Variants in ATP2B2 observed in about 807,000 individuals in gnomAD.
ATP2B2 encodes plasma membrane calcium-transporting ATPase 2.
In ATP2B2, 15 loss-of-function variants were observed where a neutral mutation model predicts 120.0. That is an observed-to-expected ratio of 0.12 (90% CI 0.08 to 0.19). The LOEUF is 0.19. Ranked by LOEUF, ATP2B2 falls within the 10% of genes least tolerant of loss-of-function variation. The pLI is 1.00. For missense variants in ATP2B2, 1,045 were observed against 1,719.8 expected, an observed-to-expected ratio of 0.61 and a Z score of 6.94; for synonymous variants, 694 against 700.3, an observed-to-expected ratio of 0.99 and a Z score of 0.14.
At chr3:10,419,667 T>C (rs931752380) in intron 2 of ATP2B2, among the ~76,000 whole-genome samples, 1 of 152,192 alleles carries the variant, frequency 6.6e-6, no homozygotes, top group Non-Finnish European at 1.5e-5. Context: ...GACAGTGCTT[T>C]GTAGATGGTA....
chr3:10,465,140 G>C (rs1392447212), intron 1 of ATP2B2, among the ~76,000 whole-genome samples: 1 of 152,202 alleles, frequency 6.6e-6, no homozygotes, highest in African/African-American at 2.4e-5. Flanking sequence ...CTGAGCCCTG[G>C]TGTGACTCCT....
Position 10,375,333 on chromosome 3 carries a change from C to T in ATP2B2, c.1416+97G>A, listed in dbSNP as rs934334728. The T allele has an allele frequency of 5.5e-5, 60 of 1,097,134 alleles. No individual in the cohort carries two copies. The East Asian group carries it at 5.5e-4, about 10-fold the overall frequency. The allele number at this position is 1,097,134 out of a possible 1,614,324, so 68.0% of individuals were successfully genotyped here. On this transcript the variant is annotated intron_variant, in intron 11 of 22. Coordinates refer to ENST00000360273, the MANE Select transcript of ATP2B2 (RefSeq NM_001001331.4). This position sits in a 1 kb window ranked among gnomAD's most constrained non-coding sequence, Gnocchi z 4.2. ...TCCTAGGGGGTCTATGGGGCTTCTT[C>T]GTTCATCTCCCAACCCCAGCACCAG...
At chr3:10,630,842 C>CG (rs1392134170) in intron 1 of ATP2B2, among the ~76,000 whole-genome samples, 26 of 13,320 alleles carry the variant, frequency 2.0e-3, no homozygotes, top group South Asian at 6.3e-3. Flanking sequence ...AAGTTTGTGG[C>CG]GGGGGGGTGG....
chr3:10,600,012 G>A (rs1471714298), intron 2 of ATP2B2, among the ~76,000 whole-genome samples: 1 of 151,434 alleles, frequency 6.6e-6, no homozygotes, highest in Non-Finnish European at 1.5e-5. Flanking sequence ...TCAATTCAGA[G>A]TTTCATCTGT....
At chr3:10,428,689 AAG>A (rs2063217290) in intron 2 of ATP2B2, among the ~76,000 whole-genome samples, 1 of 152,344 alleles carries the variant, frequency 6.6e-6, no homozygotes, top group South Asian at 2.1e-4. Context: ...TGAAAAAAGC[AAG>A]ATGAACAGAA....
Position 10,327,760 on chromosome 3 carries a change from C to T in ATP2B2, c.*1054G>A, listed in dbSNP as rs1433226720. ...CAGGAAGCCTTCTCTCCTCCTCTCC[C>T]TTCGTCTACGGAGCATGTTGTTAAA... On this transcript the variant is annotated 3_prime_UTR_variant, in exon 23 of 23. Coordinates refer to ENST00000360273, the MANE Select transcript of ATP2B2 (RefSeq NM_001001331.4). 1 of 152,706 alleles carries T rather than the reference C, an allele frequency of 6.5e-6. No homozygotes were observed. The highest frequency in any genetic ancestry group is 2.4e-5 in the African/African-American group (1 of 41,476). 9.5% of individuals were successfully genotyped at this position (152,706 alleles called of 1,614,324 possible). A position where few individuals can be genotyped will look rare whatever the true frequency, so the allele number is the denominator to read the frequency against.
At chr3:10,367,589 C>T (rs1483511547) in intron 12 of ATP2B2, among the ~76,000 whole-genome samples, 2 of 152,168 alleles carry the variant, frequency 1.3e-5, no homozygotes, top group African/African-American at 4.8e-5. Flanking sequence ...CACCTCAGTT[C>T]GTCTAAGCTT....
At chr3:10,517,089 G>A (rs1379514648) in intron 3 of ATP2B2, among the ~76,000 whole-genome samples, 1 of 152,188 alleles carries the variant, frequency 6.6e-6, no homozygotes, top group Non-Finnish European at 1.5e-5. Context: ...CAAAGGTCAA[G>A]TCTGCTTCTA....
chr3:10,344,265 G>A (rs1004128544), intron 18 of ATP2B2, among the ~76,000 whole-genome samples: 5 of 152,138 alleles, frequency 3.3e-5, no homozygotes, highest in African/African-American at 1.2e-4. Context: ...TCCCTATCTG[G>A]CATCAAGACC....
chr3:10,360,385 T>C (rs2125452754), intron 12 of ATP2B2, among the ~76,000 whole-genome samples: 1 of 152,370 alleles, frequency 6.6e-6, no homozygotes, highest in Middle Eastern at 3.4e-3. Context: ...GAGAATGATG[T>C]AACAAAGTTA....
intron 12 of ATP2B2, among the ~76,000 whole-genome samples, chr3:10,363,650 G>A (rs142447653): frequency 1.3e-5 from 2 of 152,084 alleles, no homozygotes; most frequent in East Asian, 3.9e-4. Flanking sequence ...GATAACATTT[G>A]CAAAAATGGG....
At chr3:10,471,004 G>A (rs1367922337) in intron 1 of ATP2B2, among the ~76,000 whole-genome samples, 6 of 152,336 alleles carry the variant, frequency 3.9e-5, no homozygotes, top group East Asian at 1.9e-4. Flanking sequence ...GGGGGCCTGG[G>A]GGGCCCTGCG....
chr3:10,694,777 CTT>C (rs2071716949), intron 1 of ATP2B2, among the ~76,000 whole-genome samples: 1 of 152,148 alleles, frequency 6.6e-6, no homozygotes, highest in Non-Finnish European at 1.5e-5. Flanking sequence ...CTGGAAAACT[CTT>C]TGCACATTAA....
At chr3:10,555,976 G>A (rs1261789038) in intron 2 of ATP2B2, among the ~76,000 whole-genome samples, 2 of 152,204 alleles carry the variant, frequency 1.3e-5, no homozygotes, top group Non-Finnish European at 2.9e-5. Flanking sequence ...TTGGCTCACT[G>A]CAACCTCTGC....
intron 14 of ATP2B2, among the ~76,000 whole-genome samples, chr3:10,353,336 C>G (rs2060628281): frequency 6.6e-6 from 1 of 152,162 alleles, no homozygotes; most frequent in African/African-American, 2.4e-5. Flanking sequence ...AGGAGGACTT[C>G]CTGGGGGAGG....
chr3:10,415,617 A>G (rs2062754324), intron 2 of ATP2B2, among the ~76,000 whole-genome samples: 1 of 152,216 alleles, frequency 6.6e-6, no homozygotes, highest in African/African-American at 2.4e-5. Flanking sequence ...CAGGAGCTGA[A>G]TCTTGTGGTC....
intron 11 of ATP2B2, among the ~76,000 whole-genome samples, chr3:10,373,225 G>A (rs7619385): frequency 0.61 from 93,174 of 152,088 alleles, 29,349 homozygotes; most frequent in East Asian, 0.99. Flanking sequence ...GCACAGGAAA[G>A]GATTCTGGTA....
At chr3:10,640,619 C>T (rs1368688366) in intron 1 of ATP2B2, among the ~76,000 whole-genome samples, 1 of 152,130 alleles carries the variant, frequency 6.6e-6, no homozygotes, top group Admixed American at 6.5e-5. Context: ...CTGGGATTCC[C>T]AGAAAGCTTC....
intron 2 of ATP2B2, among the ~76,000 whole-genome samples, chr3:10,415,244 G>A (rs1362871468): frequency 6.6e-6 from 1 of 152,204 alleles, no homozygotes; most frequent in Admixed American, 6.5e-5. Flanking sequence ...GATGTCTCAC[G>A]TAAGGAGTGT....
Sources: allele counts gnomAD v4.1 joint callset (sites outside exome capture counted in the v4.1 genomes callset), GRCh38; gene constraint gnomAD v4.1.1; non-coding constraint Gnocchi (gnomAD v3.1); transcripts MANE v1.5; gene names NCBI Gene and HGNC (gene_info 2026-07-23, HGNC 2026-07-21).